TAFA2: variants seen among roughly 807,000 people sequenced by gnomAD.
TAFA2 encodes the protein TAFA chemokine like family member 2, also known as chemokine-like protein TAFA-2.
TAFA2 carries 7 observed loss-of-function variants against 18.8 expected under a neutral mutation model. That is an observed-to-expected ratio of 0.37 (90% confidence interval 0.21 to 0.70). The LOEUF (loss-of-function observed/expected upper bound fraction) is 0.70, where lower values mean the gene tolerates loss of function less well. TAFA2 is among the 30% of genes least tolerant of loss of function. TAFA2 has a pLI of 0.53. For missense variants in TAFA2, 122 were observed against 158.1 expected, an observed-to-expected ratio of 0.77 and a Z score of 1.23; for synonymous variants, 60 against 54.2, an observed-to-expected ratio of 1.11 and a Z score of -0.47.
intron 2 of TAFA2, among the ~76,000 whole-genome samples, chr12:61,760,308 A>T (rs1264999895): frequency 6.8e-6 from 1 of 147,600 alleles, no homozygotes; most frequent in East Asian, 2.0e-4. Flanking sequence ...GATGATAGAT[A>T]GATAATCTTG....
intron 1 of TAFA2, among the ~76,000 whole-genome samples, chr12:61,893,751 C>T (rs113280869): frequency 0.011 from 1,654 of 152,122 alleles, 9 homozygotes; most frequent in Middle Eastern, 0.017. Flanking sequence ...GCAAAATTAC[C>T]CTGCTATTAT....
chr12:62,187,765 T>C (rs1213234852), intron 1 of TAFA2, among the ~76,000 whole-genome samples: 3 of 152,154 alleles, frequency 2.0e-5, no homozygotes, highest in African/African-American at 7.2e-5. Context: ...AGAAACTAAC[T>C]TCTATGTCTC....
At chr12:62,226,514 C>A (rs1406479347) in intron 1 of TAFA2, among the ~76,000 whole-genome samples, 3 of 152,072 alleles carry the variant, frequency 2.0e-5, no homozygotes, top group East Asian at 1.9e-4. Context: ...CTCTTTTAAG[C>A]AATCTCATTC....
chr12:62,110,162 A>C (rs1033567801), intron 1 of TAFA2, among the ~76,000 whole-genome samples: 1 of 152,132 alleles, frequency 6.6e-6, no homozygotes, highest in Non-Finnish European at 1.5e-5. Context: ...ATCTATACCT[A>C]GTTTATTGAG....
chr12:61,724,801 G>GTATACACCAGATGGGTGTATATGTA lies in TAFA2; in HGVS notation c.385-14409_385-14385dup, dbSNP rs146780436. Among the ~76,000 whole-genome samples, 962 of 110,194 alleles carry GTATACACCAGATGGGTGTATATGTA rather than the reference G, an allele frequency of 8.7e-3. 23 individuals are homozygous for GTATACACCAGATGGGTGTATATGTA. Among genetic ancestry groups the GTATACACCAGATGGGTGTATATGTA allele is most frequent in the African/African-American group, 0.029 (787 of 26,878 alleles). The allele number at this position is 110,194 out of a possible 152,430, so 72.3% of individuals were successfully genotyped here. ...TGTGTGTGTGTGTGTGTGTGTGTGT[G>GTATACACCAGATGGGTGTATATGTA]TATACACCAGATGGGTGTATATGTA... On this transcript the variant is annotated intron_variant, in intron 4 of 4. Coordinates refer to ENST00000416284, the MANE Select transcript of TAFA2 (RefSeq NM_178539.5).
chr12:62,233,883 G>A (rs1226005501), intron 1 of TAFA2, among the ~76,000 whole-genome samples: 2 of 152,190 alleles, frequency 1.3e-5, no homozygotes, highest in Non-Finnish European at 2.9e-5. Flanking sequence ...CAGCAAAGTA[G>A]GACAGGGTCA....
At chr12:61,841,818 T>C (rs990141426) in intron 2 of TAFA2, among the ~76,000 whole-genome samples, 3 of 152,102 alleles carry the variant, frequency 2.0e-5, no homozygotes, top group African/African-American at 7.2e-5. Context: ...GATTTTTACA[T>C]AGTGTATCAA....
intron 4 of TAFA2, among the ~76,000 whole-genome samples, chr12:61,741,684 C>G (rs973679525): frequency 2.6e-5 from 4 of 152,070 alleles, no homozygotes; most frequent in Non-Finnish European, 5.9e-5. Flanking sequence ...CTGTACATGA[C>G]AATGATTTAC....
At chr12:61,909,447 T>A (rs1343624317) in intron 1 of TAFA2, among the ~76,000 whole-genome samples, 1 of 152,174 alleles carries the variant, frequency 6.6e-6, no homozygotes, top group African/African-American at 2.4e-5. Context: ...TGAATCCTGA[T>A]GCTATCAGCC....
intron 1 of TAFA2, among the ~76,000 whole-genome samples, chr12:61,898,729 G>T (rs1875966655): frequency 6.6e-6 from 1 of 152,164 alleles, no homozygotes; most frequent in Non-Finnish European, 1.5e-5. Context: ...TGCAGGGAAG[G>T]TCTCTGACAT....
chr12:62,125,414 T>A (rs765570411), intron 1 of TAFA2, among the ~76,000 whole-genome samples: 5 of 152,024 alleles, frequency 3.3e-5, no homozygotes, highest in Admixed American at 6.6e-5. Flanking sequence ...AGGTTAGCAA[T>A]AACATATCTT....
intron 2 of TAFA2, among the ~76,000 whole-genome samples, chr12:61,787,507 G>A (rs1382965404): frequency 6.6e-6 from 1 of 151,632 alleles, no homozygotes; most frequent in Non-Finnish European, 1.5e-5. Context: ...GCTACAATTA[G>A]TTGTTAAGGA....
In TAFA2 at chr12:62,012,385, A is replaced by G. The variant is rs113403194; in HGVS notation, c.-1-144959T>C. On this transcript the variant is annotated intron_variant, in intron 1 of 4. Coordinates refer to ENST00000416284, the MANE Select transcript of TAFA2 (RefSeq NM_178539.5). ...CTATTGAAGACAATAGGAGACACGT[A>G]TATCATCTTTCTCATATTTCAGCAT... Among the ~76,000 whole-genome samples the G allele has an allele frequency of 4.4e-3, 652 of 149,542 alleles. 3 individuals are homozygous for G. The highest frequency in any genetic ancestry group is 0.015 in the African/African-American group (615 of 40,544).
chr12:62,103,315 C>T (rs904770481), intron 1 of TAFA2, among the ~76,000 whole-genome samples: 2 of 152,194 alleles, frequency 1.3e-5, no homozygotes, highest in African/African-American at 4.8e-5. Flanking sequence ...GTTTTCATTT[C>T]CAATTTCATC....
chr12:62,204,370 T>A (rs57387647), intron 1 of TAFA2, among the ~76,000 whole-genome samples: 1 of 152,164 alleles, frequency 6.6e-6, no homozygotes, highest in Non-Finnish European at 1.5e-5. Context: ...TTTCGTGAAT[T>A]TGAATGTTGG....
At chr12:62,175,390 G>A (rs2062505635) in intron 1 of TAFA2, among the ~76,000 whole-genome samples, 1 of 151,868 alleles carries the variant, frequency 6.6e-6, no homozygotes, top group Non-Finnish European at 1.5e-5. Flanking sequence ...CACACTCCAA[G>A]GTCTTTTTCT....
At chr12:61,880,458 A>G in intron 1 of TAFA2, 1 of 538,366 alleles carries the variant, frequency 1.9e-6, no homozygotes, top group Non-Finnish European at 3.8e-6. Context: ...GAGCTGATGA[A>G]TGTCAAGCTG....
intron 2 of TAFA2, among the ~76,000 whole-genome samples, chr12:61,837,607 G>A (rs1185170968): frequency 6.6e-6 from 1 of 151,546 alleles, no homozygotes; most frequent in Non-Finnish European, 1.5e-5. Flanking sequence ...TTTGTGACTG[G>A]GTCCATACAT....
chr12:61,786,917 C>T (rs901750804), intron 2 of TAFA2, among the ~76,000 whole-genome samples: 2 of 151,322 alleles, frequency 1.3e-5, no homozygotes, highest in African/African-American at 2.4e-5. Context: ...ATAAAATTTA[C>T]TCAATCCAAA....
Sources: allele counts gnomAD v4.1 joint callset (sites outside exome capture counted in the v4.1 genomes callset), GRCh38; gene constraint gnomAD v4.1.1; transcripts MANE v1.5; gene names NCBI Gene and HGNC (gene_info 2026-07-23, HGNC 2026-07-21).